PLA2G6: variants seen among roughly 807,000 people sequenced by gnomAD.
PLA2G6 encodes the protein 85/88 kDa calcium-independent phospholipase A2.
PLA2G6 carries 62 observed loss-of-function variants against 83.8 expected under a neutral mutation model. The ratio of observed to expected loss-of-function variants is 0.74; its 90% CI spans 0.60 to 0.91. The LOEUF (loss-of-function observed/expected upper bound fraction) is 0.91. PLA2G6 is among the 40% of genes least tolerant of loss of function. The pLI, the probability that PLA2G6 is intolerant of heterozygous loss-of-function variation, is 0.00. For missense variants in PLA2G6, 944 were observed against 1,102.0 expected (o/e 0.86, Z 2.03); for synonymous variants, 417 against 449.8 (o/e 0.93, Z 0.92).
At chr22:38,112,691 G>C in intron 15 of PLA2G6, 114 bp from the exon 16 acceptor site, 1 of 843,148 alleles carries the variant, frequency 1.2e-6, no homozygotes, top group Admixed American at 2.0e-5. Context: ...AGGCTCTTTC[G>C]AGTCAGGCTG....
At chr22:38,124,594 C>T (rs892686981) in intron 10 of PLA2G6, among the ~76,000 whole-genome samples, 17 of 152,132 alleles carry the variant, frequency 1.1e-4, no homozygotes, top group African/African-American at 2.4e-4. Flanking sequence ...CCTCACAGCC[C>T]GCCTGCTGCT....
intron 5 of PLA2G6, chr22:38,139,206 T>C (rs1327675225): frequency 6.6e-6 from 1 of 152,122 alleles, no homozygotes; most frequent in Non-Finnish European, 1.5e-5. Flanking sequence ...CAAGGAGCAC[T>C]GAAGCCATCG....
At chr22:38,145,235 G>C (rs2089178267) in intron 3 of PLA2G6, 1 of 623,596 alleles carries the variant, frequency 1.6e-6, no homozygotes, top group East Asian at 2.8e-5. Flanking sequence ...TTGCTATTTT[G>C]CCAGGCTGGT....
chr22:38,145,953 AT>A (rs2089238575), intron 2 of PLA2G6: 2 of 398,330 alleles, frequency 5.0e-6, no homozygotes, highest in Admixed American at 3.6e-5. Flanking sequence ...GACTCACTGC[AT>A]CTTCGAATTC....
chr22:38,143,599 G>A, intron 3 of PLA2G6: 3 of 473,970 alleles, frequency 6.3e-6, no homozygotes, highest in South Asian at 6.0e-5. Flanking sequence ...CTAGCCTCAG[G>A]CAATTCACTT....
intron 14 of PLA2G6, among the ~76,000 whole-genome samples, chr22:38,115,157 A>G (rs1322963990): frequency 6.6e-6 from 1 of 152,168 alleles, no homozygotes; most frequent in Non-Finnish European, 1.5e-5. Flanking sequence ...GTCCTCCACC[A>G]CAGCACCGGC....
Position 38,132,130 on chromosome 22 carries a change from A to C in PLA2G6, c.1077+701T>G. On this transcript the variant is annotated intron_variant, in intron 7 of 16. Transcript: ENST00000332509. The surrounding 1 kb of genome is among the most constrained non-coding windows in gnomAD (Gnocchi z 5.0). ...ACTCCATCTCGAAAAAAAAGAATAC[A>C]TGCACACACATATGTCTGTAACACA... 2.2e-6 allele frequency: 1 copy of C among 455,914 alleles called. No homozygotes were observed. Among genetic ancestry groups the C allele is most frequent in the East Asian group, 7.0e-5 (1 of 14,334 alleles). 28.2% of individuals were successfully genotyped at this position (455,914 alleles called of 1,614,324 possible).
At chr22:38,162,160 G>A (rs1293771446) in intron 2 of PLA2G6, among the ~76,000 whole-genome samples, 1 of 144,438 alleles carries the variant, frequency 6.9e-6, no homozygotes, top group Non-Finnish European at 1.5e-5. Context: ...AGTGAGCTGA[G>A]AGTGTGCCAC....
intron 2 of PLA2G6, among the ~76,000 whole-genome samples, chr22:38,151,044 C>T (rs1359370478): frequency 6.6e-6 from 1 of 152,166 alleles, no homozygotes; most frequent in Non-Finnish European, 1.5e-5. Flanking sequence ...GTACTCTAGC[C>T]TGGGCCACAG....
intron 6 of PLA2G6, chr22:38,134,588 C>A: frequency 6.0e-6 from 1 of 165,564 alleles, no homozygotes; most frequent in Admixed American, 6.1e-5. Context: ...AAAAATAAAC[C>A]CCCCTCTCTC....
At chr22:38,135,178 G>C in intron 5 of PLA2G6, 94 bp from the exon 6 acceptor site, 1 of 840,418 alleles carries the variant, frequency 1.2e-6, no homozygotes, top group Non-Finnish European at 2.0e-6. Flanking sequence ...ACTGCTTACA[G>C]AGAGCATCAC....
chr22:38,168,567 A>G (rs1453036731), intron 2 of PLA2G6, among the ~76,000 whole-genome samples: 1 of 152,216 alleles, frequency 6.6e-6, no homozygotes, highest in Non-Finnish European at 1.5e-5. Flanking sequence ...AGCCAGGGCT[A>G]GGCCAGGTGC....
rs1324482461 is a variant in PLA2G6, at chr22:38,128,318, G to A, written c.1299C>T (p.Pro433=). The A allele has an allele frequency of 3.1e-6, 5 of 1,613,218 alleles. No homozygotes were observed. The highest frequency in any genetic ancestry group is 3.3e-5 in the Admixed American group (2 of 60,006). The change falls in exon 9 of 17, where the codon CCC becomes CCT. Residue 433 remains proline, a synonymous_variant. Coordinates refer to ENST00000332509, the MANE Select transcript of PLA2G6 (RefSeq NM_003560.4). The surrounding 1 kb of genome is among the most constrained non-coding windows in gnomAD (Gnocchi z 4.4). ...GGGGCTGAGCTCTTTCCAGGGAGAA[G>A]GGATGATGTGGCGCTGCAGAGCCCT... ...AEQGSAAPHH[P]FSLERAQPPP...
In PLA2G6 at chr22:38,128,570, A is replaced by C; in HGVS notation, c.1187-140T>G. 1.2e-6 allele frequency: 1 copy of C among 861,838 alleles called. No individual in the cohort carries two copies. Among genetic ancestry groups the C allele is most frequent in the East Asian group, 2.6e-5 (1 of 37,798 alleles). 53.4% of individuals were successfully genotyped at this position (861,838 alleles called of 1,614,324 possible). A position where few individuals can be genotyped will look rare whatever the true frequency, so the allele number is the denominator to read the frequency against. ...GCACGTGGGCTGCTCCAGAGGCCTC[A>C]GCCCACCCTGACAGGGAGTGCTGCC... On this transcript the variant is annotated intron_variant, in intron 8 of 16. Coordinates refer to ENST00000332509, the MANE Select transcript of PLA2G6 (RefSeq NM_003560.4). This position sits in a 1 kb window ranked among gnomAD's most constrained non-coding sequence, Gnocchi z 4.4.
chr22:38,124,725 T>C (rs2087732972), intron 10 of PLA2G6, among the ~76,000 whole-genome samples: 1 of 152,042 alleles, frequency 6.6e-6, no homozygotes, highest in African/African-American at 2.4e-5. Context: ...CAGCGCTGTG[T>C]GTCAAGGGGA....
intron 2 of PLA2G6, among the ~76,000 whole-genome samples, chr22:38,161,404 T>C (rs2090004526): frequency 6.6e-6 from 1 of 152,154 alleles, no homozygotes; most frequent in African/African-American, 2.4e-5. Context: ...ATCCCATTCA[T>C]GAGGGCTCCA....
chr22:38,171,372 G>A (rs1164623067), intron 1 of PLA2G6, among the ~76,000 whole-genome samples: 1 of 152,028 alleles, frequency 6.6e-6, no homozygotes, highest in Non-Finnish European at 1.5e-5. Flanking sequence ...TTTTGTTGTT[G>A]TTGTTTTGAA....
At chr22:38,154,950 G>A (rs2089716173) in intron 2 of PLA2G6, among the ~76,000 whole-genome samples, 1 of 152,176 alleles carries the variant, frequency 6.6e-6, no homozygotes, top group Admixed American at 6.5e-5. Flanking sequence ...CAAGCAGGCT[G>A]GGCACAGTGG....
chr22:38,118,363 A>T (rs1306039911), intron 12 of PLA2G6, among the ~76,000 whole-genome samples: 2 of 152,188 alleles, frequency 1.3e-5, no homozygotes, highest in Non-Finnish European at 2.9e-5. Flanking sequence ...TATTTGTTAC[A>T]TGGGTATACG....
Sources: gnomAD v4.1 joint callset for allele counts (sites outside exome capture counted in the v4.1 genomes callset) on GRCh38, gnomAD v4.1.1 for gene constraint, Gnocchi (gnomAD v3.1) non-coding constraint, MANE v1.5 for transcripts, NCBI Gene and HGNC (gene_info 2026-07-23, HGNC 2026-07-21) for gene names.